The following SLC44A5 variants were observed in gnomAD, a reference collection of about 807,000 sequenced individuals.
The protein encoded by SLC44A5 is solute carrier family 44 member 5.
In SLC44A5, 57 loss-of-function variants were observed where a neutral mutation model predicts 101.8. The observed-to-expected ratio is 0.56, with a 90% CI of 0.45 to 0.70. The LOEUF is 0.70. Among genes scored for constraint, SLC44A5 ranks in the 30% least tolerant of loss-of-function variants. SLC44A5 has a pLI of 0.00. For missense variants in SLC44A5, 737 were observed against 853.1 expected (o/e 0.86, Z 1.70); for synonymous variants, 281 against 290.9 (o/e 0.97, Z 0.35).
At chr1:75,243,686 T>C (rs1049225727) in intron 7 of SLC44A5, among the ~76,000 whole-genome samples, 29 of 152,214 alleles carry the variant, frequency 1.9e-4, no homozygotes, top group African/African-American at 6.7e-4. Flanking sequence ...CACAATATCA[T>C]AAGCAGGAAA....
At chr1:75,437,063 G>A (rs753064124) in intron 2 of SLC44A5, among the ~76,000 whole-genome samples, 16 of 151,964 alleles carry the variant, frequency 1.1e-4, no homozygotes, top group Non-Finnish European at 2.1e-4. Context: ...CCTCCTAAAG[G>A]ACCTGCCTGA....
chr1:75,448,436 CAAA>C (rs1479840424), intron 2 of SLC44A5, among the ~76,000 whole-genome samples: 10 of 152,186 alleles, frequency 6.6e-5, no homozygotes, highest in Admixed American at 2.6e-4. Flanking sequence ...GACAACTTGA[CAAA>C]AGAAGACGTT....
chr1:75,374,985 C>G (rs1004172511), intron 3 of SLC44A5, among the ~76,000 whole-genome samples: 1 of 152,210 alleles, frequency 6.6e-6, no homozygotes, highest in African/African-American at 2.4e-5. Context: ...ATTGCACTAT[C>G]TCTCCAGCAA....
intron 2 of SLC44A5, among the ~76,000 whole-genome samples, chr1:75,508,352 CA>C (rs1310362692): frequency 6.6e-6 from 1 of 151,954 alleles, no homozygotes; most frequent in Non-Finnish European, 1.5e-5. Context: ...GTAGCAAAAG[CA>C]ATGGTAAGAG....
At chr1:75,574,768 G>A (rs970027826) in intron 1 of SLC44A5, among the ~76,000 whole-genome samples, 3 of 152,162 alleles carry the variant, frequency 2.0e-5, no homozygotes, top group Non-Finnish European at 2.9e-5. Flanking sequence ...GGGAATCTAA[G>A]TAATATGAGA....
chr1:75,388,479 G>C (rs557546289), intron 3 of SLC44A5, among the ~76,000 whole-genome samples: 2 of 152,006 alleles, frequency 1.3e-5, no homozygotes, highest in Non-Finnish European at 2.9e-5. Flanking sequence ...CATCACAACA[G>C]GATCAAAACC....
At chr1:75,403,757 G>A (rs1035315686) in intron 2 of SLC44A5, among the ~76,000 whole-genome samples, 5 of 152,010 alleles carry the variant, frequency 3.3e-5, no homozygotes, top group Admixed American at 1.3e-4. Context: ...AGCACAAAAC[G>A]GCTGAAAATT....
At chr1:75,358,899 T>TA (rs1333750551) in intron 3 of SLC44A5, among the ~76,000 whole-genome samples, 2 of 152,158 alleles carry the variant, frequency 1.3e-5, no homozygotes, top group Non-Finnish European at 2.9e-5. Flanking sequence ...ATTATTGACT[T>TA]AGTCACCCTG....
chr1:75,512,963 T>G (rs911290796), intron 2 of SLC44A5, among the ~76,000 whole-genome samples: 1 of 152,264 alleles, frequency 6.6e-6, no homozygotes, highest in African/African-American at 2.4e-5. Context: ...TCATCCATTA[T>G]CTTAATTCTA....
chr1:75,405,863 G>T (rs1327104977), intron 2 of SLC44A5, among the ~76,000 whole-genome samples: 1 of 130,016 alleles, frequency 7.7e-6, no homozygotes, highest in Non-Finnish European at 1.6e-5. Context: ...GATCAGAGCA[G>T]AACTGAAGGC....
chr1:75,568,877 A>G (rs911033886), intron 1 of SLC44A5, among the ~76,000 whole-genome samples: 1 of 152,200 alleles, frequency 6.6e-6, no homozygotes, highest in Admixed American at 6.5e-5. Context: ...TCCTGATTAT[A>G]TGAATCATTT....
At chr1:75,574,087 A>G (rs369185420) in intron 1 of SLC44A5, among the ~76,000 whole-genome samples, 2 of 152,218 alleles carry the variant, frequency 1.3e-5, no homozygotes, top group South Asian at 2.1e-4. Context: ...AAGTGAAGAA[A>G]GCAAAATGCA....
chr1:75,394,457 G>A (rs942058545), intron 3 of SLC44A5, among the ~76,000 whole-genome samples: 2 of 152,108 alleles, frequency 1.3e-5, no homozygotes, highest in African/African-American at 4.8e-5. Flanking sequence ...TCAGGCGGCT[G>A]TATTAAGGCA....
At chr1:75,372,546 A>AT (rs1440661597) in intron 3 of SLC44A5, among the ~76,000 whole-genome samples, 2 of 152,098 alleles carry the variant, frequency 1.3e-5, no homozygotes, top group African/African-American at 2.4e-5. Context: ...AGTGAAGTGA[A>AT]TTTTTTCTTT....
chr1:75,493,461 G>A (rs1668524163), intron 2 of SLC44A5, among the ~76,000 whole-genome samples: 1 of 152,076 alleles, frequency 6.6e-6, no homozygotes, highest in African/African-American at 2.4e-5. Flanking sequence ...AAACAGAATT[G>A]CAAGAAGAAA....
chr1:75,709,505 T>C, the SLC44A5 span, among the ~76,000 whole-genome samples: 75 of 152,280 alleles, frequency 4.9e-4, no homozygotes, highest in African/African-American at 1.8e-3. Flanking sequence ...TGAAGTATGA[T>C]AGTGGGGAGA....
At chr1:75,659,382 GGAAA>G in the SLC44A5 span, among the ~76,000 whole-genome samples, 19 of 137,644 alleles carry the variant, frequency 1.4e-4, no homozygotes, top group African/African-American at 4.5e-4. Context: ...GAAAGAAAAA[GGAAA>G]GAAAGAAAGA....
intron 23 of SLC44A5, among the ~76,000 whole-genome samples, chr1:75,206,921 C>T (rs981647248): frequency 6.6e-6 from 1 of 152,072 alleles, no homozygotes; most frequent in African/African-American, 2.4e-5. Flanking sequence ...CTGAAACTTC[C>T]TAAATCCCTC....
intron 3 of SLC44A5, among the ~76,000 whole-genome samples, chr1:75,358,945 G>A (rs2101105008): frequency 6.6e-6 from 1 of 152,070 alleles, no homozygotes; most frequent in South Asian, 2.1e-4. Context: ...TTCTTCCTAA[G>A]TGAAACTTTA....
Sources: gnomAD v4.1 joint callset for allele counts (sites outside exome capture counted in the v4.1 genomes callset) on GRCh38, gnomAD v4.1.1 for gene constraint, MANE v1.5 for transcripts, NCBI Gene and HGNC (gene_info 2026-07-23, HGNC 2026-07-21) for gene names.